The following DYDC2 variants were observed in gnomAD, a reference collection of about 807,000 sequenced individuals.
The protein encoded by DYDC2 is DPY30 domain containing 2.
DYDC2 carries 19 observed loss-of-function variants against 18.7 expected under a neutral mutation model. The observed-to-expected ratio is 1.02, with a 90% CI of 0.71 to 1.49. The LOEUF (loss-of-function observed/expected upper bound fraction) is 1.49. DYDC2 is among the 40% of genes most tolerant of loss of function. DYDC2 has a pLI of 0.00. For missense variants in DYDC2, 179 were observed against 205.1 expected, an observed-to-expected ratio of 0.87 and a Z score of 0.78; for synonymous variants, 63 against 67.6, an observed-to-expected ratio of 0.93 and a Z score of 0.34.
chr10:80,352,372 T>C (rs1250518022), upstream of DYDC2: 21 of 1,382,930 alleles, frequency 1.5e-5, no homozygotes, highest in Middle Eastern at 2.3e-4. Flanking sequence ...AACAGAAAAA[T>C]AATAATGTTA....
chr10:80,352,303 T>C (rs1843043318), upstream of DYDC2: 3 of 1,185,532 alleles, frequency 2.5e-6, no homozygotes, highest in South Asian at 6.3e-5. Flanking sequence ...TTGGGTAATG[T>C]TTTCTCCTTC....
chr10:80,346,490 T>G (rs1842647221), intron 1 of DYDC2, among the ~76,000 whole-genome samples: 1 of 134,888 alleles, frequency 7.4e-6, no homozygotes, highest in African/African-American at 2.7e-5. Context: ...AGACGGAGTC[T>G]CACTCTGTCA....
rs1288146473 is a variant in DYDC2 at position 80,367,565 on chromosome 10, A to G, written c.*614A>G. ...GTCTGGACACATTACAAAGGCCACAAGGGGTTTTATCCTGGACCCCGGACA... is the reference window on the plus strand; with the variant it reads ...GTCTGGACACATTACAAAGGCCACAGGGGGTTTTATCCTGGACCCCGGACA... On this transcript the variant is annotated 3_prime_UTR_variant, in exon 5 of 5. Coordinates refer to ENST00000256039, the MANE Select transcript of DYDC2 (RefSeq NM_032372.6). 3.9e-5 allele frequency: 6 copies of G among 152,276 alleles called. No individual in the cohort carries two copies. Among genetic ancestry groups the G allele is most frequent in the African/African-American group, 7.2e-5 (3 of 41,464 alleles). The allele number at this position is 152,276 out of a possible 1,614,324, so 9.4% of individuals were successfully genotyped here.
At chr10:80,356,893 G>A in intron 1 of DYDC2, 68 bp downstream of exon 1, 1 of 975,956 alleles carries the variant, frequency 1.0e-6, no homozygotes, top group Non-Finnish European at 1.2e-6. Flanking sequence ...GCGTGCAGGA[G>A]TAGGAGCAGG....
At chr10:80,353,325 T>G (rs1447313797), upstream of DYDC2, among the ~76,000 whole-genome samples, 1 of 151,782 alleles carries the variant, frequency 6.6e-6, no homozygotes, top group East Asian at 2.0e-4. Context: ...CATGTCTGGC[T>G]AATTTTTTTT....
chr10:80,352,005 A>T (rs1198512299), upstream of DYDC2: 17 of 1,613,482 alleles, frequency 1.1e-5, no homozygotes, highest in South Asian at 1.9e-4. Context: ...TTTTGTCTCT[A>T]GCATTGTTTA....
intron 1 of DYDC2, among the ~76,000 whole-genome samples, chr10:80,345,646 A>T (rs538626116): frequency 2.0e-5 from 3 of 148,256 alleles, no homozygotes; most frequent in African/African-American, 5.0e-5. Context: ...TGTATTCAAC[A>T]TTTTTTTTTT....
chr10:80,350,650 T>C (rs1408179501), intron 1 of DYDC2, among the ~76,000 whole-genome samples: 2 of 152,238 alleles, frequency 1.3e-5, no homozygotes, highest in Non-Finnish European at 2.9e-5. Context: ...AGAAGCTATT[T>C]GCCAGGTCTA....
chr10:80,356,846 G>A (rs4146515), intron 1 of DYDC2, 21 bp downstream of exon 1: 551,336 of 984,962 alleles, frequency 0.56, 156,971 homozygotes, highest in African/African-American at 0.8. Context: ...GGCACGCGGT[G>A]GGCAGCGAAG....
Position 80,358,046 on chromosome 10 carries a change from G to A in DYDC2, c.-10+1G>A. 1.0e-6 allele frequency: 1 copy of A among 985,546 alleles called. No homozygotes were observed. Among genetic ancestry groups the A allele is most frequent in the Non-Finnish European group, 1.2e-6 (1 of 830,058 alleles). 61.1% of individuals were successfully genotyped at this position (985,546 alleles called of 1,614,324 possible). Reference sequence around the variant, plus strand: ...TGAAAAATAGCCTCTCCCCCCATTGGTGAGTGTACCCTAAGTTGGTCTGAG... The same window carrying A: ...TGAAAAATAGCCTCTCCCCCCATTGATGAGTGTACCCTAAGTTGGTCTGAG... On this transcript the variant is annotated splice_donor_variant, in intron 2 of 4. Transcript: ENST00000256039. LOFTEE classifies it low-confidence loss of function (5UTR_SPLICE).
At chr10:80,356,553 G>A (rs1843379837), upstream of DYDC2, 10 of 985,506 alleles carry the variant, frequency 1.0e-5, no homozygotes, top group Non-Finnish European at 1.1e-5. Flanking sequence ...ACAGCTGGCC[G>A]CTTTCGGGAG....
Position 80,350,722 on chromosome 10 carries a change from AT to A in DYDC2, c.-309-5572del, listed in dbSNP as rs576198645. 5.8e-4 allele frequency among the ~76,000 whole-genome samples: 88 copies of A among 152,272 alleles called. 2 individuals are homozygous for A. The highest frequency in any genetic ancestry group is 2.1e-3 in the African/African-American group (87 of 41,534). ...TTCTTTCCCCTTTTTAAATATGTAAATTTGAGTCAAGACTCTGGGGTTAAGT... is the reference window on the plus strand; with the variant it reads ...TTCTTTCCCCTTTTTAAATATGTAAATTGAGTCAAGACTCTGGGGTTAAGT... On this transcript the variant is annotated intron_variant, in intron 1 of 4. Transcript: ENST00000372197.
chr10:80,364,355 G>A (rs1397812706), intron 4 of DYDC2, among the ~76,000 whole-genome samples: 1 of 152,178 alleles, frequency 6.6e-6, no homozygotes, highest in African/African-American at 2.4e-5. Flanking sequence ...TTTGGAGATG[G>A]GAGAGGTGAG....
intron 1 of DYDC2, among the ~76,000 whole-genome samples, chr10:80,348,955 G>A (rs993302075): frequency 1.3e-5 from 2 of 152,074 alleles, no homozygotes; most frequent in African/African-American, 4.8e-5. Context: ...GCAGTGGCGC[G>A]ATCTCGGCTC....
chr10:80,366,695 C>T lies in DYDC2; in HGVS notation c.278C>T (p.Thr93Ile). Residue 93 changes from threonine (T) to isoleucine (I), a missense_variant, in exon 5 of 5, where the codon ACT (threonine) becomes ATT (isoleucine). Coordinates refer to ENST00000256039, the MANE Select transcript of DYDC2 (RefSeq NM_032372.6). ...TTTTTGTTTTCTATTTAGGAACTGA[C>T]TTCTGAAACTGTTTCCACGAAGAAG... ...QNCEKCHKELTSETVSTKKTI... is the reference protein window; with the variant it reads ...QNCEKCHKELISETVSTKKTI... 3.1e-6 allele frequency: 5 copies of T among 1,600,486 alleles called. No individual in the cohort carries two copies. The highest frequency in any genetic ancestry group is 1.3e-5 in the African/African-American group (1 of 74,270).
intron 1 of DYDC2, among the ~76,000 whole-genome samples, chr10:80,345,000 T>TA (rs1187830136): frequency 6.6e-6 from 1 of 152,128 alleles, no homozygotes; most frequent in African/African-American, 2.4e-5. Flanking sequence ...CTGACAGTGA[T>TA]AAAAATACAT....
chr10:80,361,850 G>A (rs55836192), intron 2 of DYDC2, among the ~76,000 whole-genome samples: 4,272 of 152,142 alleles, frequency 0.028, 190 homozygotes, highest in African/African-American at 0.087. Context: ...TTCCAGGCTC[G>A]TTAGGCTTGT....
At chr10:80,346,444 C>CTTTTTTTTTTTT (rs1032729095) in intron 1 of DYDC2, among the ~76,000 whole-genome samples, 1,117 of 83,398 alleles carry the variant, frequency 0.013, 123 homozygotes, top group African/African-American at 0.025. Context: ...TCTTCCCTTT[C>CTTTTTTTTTTTT]TTTTTTTTTT....
chr10:80,357,674 C>T (rs889651737), intron 1 of DYDC2, among the ~76,000 whole-genome samples: 1 of 152,172 alleles, frequency 6.6e-6, no homozygotes, highest in Non-Finnish European at 1.5e-5. Context: ...CTCCACCAGG[C>T]CCAAACCCTT....
Sources: allele counts gnomAD v4.1 joint callset (sites outside exome capture counted in the v4.1 genomes callset), GRCh38; gene constraint gnomAD v4.1.1; transcripts MANE v1.5; gene names NCBI Gene and HGNC (gene_info 2026-07-23, HGNC 2026-07-21).